FNDC1: variants seen among roughly 807,000 people sequenced by gnomAD.
FNDC1 encodes the protein fibronectin type III domain containing 1.
Under a neutral mutation model 168.0 loss-of-function variants are expected in FNDC1, and 96 were observed. The ratio of observed to expected loss-of-function variants is 0.57; its 90% CI spans 0.48 to 0.68. The LOEUF is 0.68. FNDC1 is among the 30% of genes least tolerant of loss of function. FNDC1 has a pLI of 0.00. For missense variants in FNDC1, 2,587 were observed against 2,482.1 expected, an observed-to-expected ratio of 1.04 and a Z score of -0.90; for synonymous variants, 1,099 against 1,025.9, an observed-to-expected ratio of 1.07 and a Z score of -1.36.
intron 18 of FNDC1, among the ~76,000 whole-genome samples, chr6:159,257,536 G>T (rs1285677978): frequency 6.6e-6 from 1 of 152,072 alleles, no homozygotes; most frequent in South Asian, 2.1e-4. Flanking sequence ...TGAGGTGAGG[G>T]TGCACCCAAG....
At chr6:159,224,162 TAACA>T (rs756127509) in intron 7 of FNDC1, among the ~76,000 whole-genome samples, 10 of 152,246 alleles carry the variant, frequency 6.6e-5, no homozygotes, top group Non-Finnish European at 1.2e-4. Context: ...CATTTATACA[TAACA>T]AAATGCACCT....
intron 1 of FNDC1, among the ~76,000 whole-genome samples, chr6:159,183,252 G>A (rs1781920054): frequency 6.6e-6 from 1 of 152,232 alleles, no homozygotes; most frequent in African/African-American, 2.4e-5. Flanking sequence ...GCCTTGAATG[G>A]TGGTGGACAC....
chr6:159,226,704 G>A, intron 9 of FNDC1, 124 bp downstream of exon 9: 2 of 645,658 alleles, frequency 3.1e-6, no homozygotes, highest in Admixed American at 3.4e-5. Context: ...GCTCACCCAA[G>A]GGACGAGGAT....
At position 159,215,059 on chromosome 6, in the gene FNDC1, G is replaced by A. The variant is rs377525008; in HGVS notation, c.575G>A (p.Arg192Gln). Residue 192 changes from arginine to glutamine, a missense_variant, in exon 5 of 23, where the codon CGG (arginine) becomes CAG (glutamine). Transcript: ENST00000297267. ...GGAGCCAAGAGTCCACGCAGATCAC[G>A]GGGTTTTCTCCTGGGCTACGGGGAG... is the stretch of plus-strand genomic sequence containing the variant. ...LSGAKSPRRS[R>Q]GFLLGYGESG... 29 of 1,613,920 alleles carry A rather than the reference G, an allele frequency of 1.8e-5. No individual in the cohort carries two copies. In the African/African-American group the frequency reaches 2.1e-4, roughly 12 times the overall value.
chr6:159,209,092 C>T (rs917108234), intron 4 of FNDC1, among the ~76,000 whole-genome samples: 3 of 152,190 alleles, frequency 2.0e-5, no homozygotes, highest in Non-Finnish European at 2.9e-5. Flanking sequence ...GGAGATCTGC[C>T]TGCCTCGGCC....
intron 6 of FNDC1, 22 bp from the exon 7 acceptor site, chr6:159,223,506 C>T (rs1782881556): frequency 6.5e-7 from 1 of 1,539,664 alleles, no homozygotes; most frequent in Non-Finnish European, 9.0e-7. Context: ...AAGCCTTTCT[C>T]TGGGTCTCGT....
At chr6:159,173,128 G>A (rs909626571) in intron 1 of FNDC1, among the ~76,000 whole-genome samples, 1 of 152,124 alleles carries the variant, frequency 6.6e-6, no homozygotes, top group Non-Finnish European at 1.5e-5. Flanking sequence ...AACCTCCTTG[G>A]CATCCTCGTA....
At chr6:159,180,620 C>T (rs970894118) in intron 1 of FNDC1, among the ~76,000 whole-genome samples, 2 of 152,132 alleles carry the variant, frequency 1.3e-5, no homozygotes, top group African/African-American at 4.8e-5. Flanking sequence ...TTTCCTGATG[C>T]TCTGCCCCAA....
rs1783154977 is a variant in FNDC1, at chr6:159,233,501, A to T, written c.2989A>T (p.Thr997Ser). 6.9e-6 allele frequency: 11 copies of T among 1,603,540 alleles called. No individual in the cohort carries two copies. Among genetic ancestry groups the T allele is most frequent in the Non-Finnish European group, 9.3e-6 (11 of 1,178,164 alleles). ...QQHPSVPRRMTPGRAPQQQPP... is the reference protein window; with the variant it reads ...QQHPSVPRRMSPGRAPQQQPP... Reference sequence around the variant, plus strand: ...GCATCCCAGTGTTCCCAGAAGGATGACACCCGGCCGGGCCCCACAACAGCA... The same window carrying T: ...GCATCCCAGTGTTCCCAGAAGGATGTCACCCGGCCGGGCCCCACAACAGCA... The change falls in exon 11 of 23, where the codon ACA (threonine) becomes TCA (serine). Residue 997 changes from threonine (T) to serine (S), a missense_variant. Physicochemically the swap from Thr to Ser is moderately conservative, Grantham distance 58 (BLOSUM62 1). Transcript: ENST00000297267. The surrounding 1 kb of genome is among the most constrained non-coding windows in gnomAD (Gnocchi z 4.6).
At chr6:159,223,280 A>G (rs537296573) in intron 6 of FNDC1, among the ~76,000 whole-genome samples, 5 of 151,816 alleles carry the variant, frequency 3.3e-5, no homozygotes, top group East Asian at 3.9e-4. Flanking sequence ...ACAGGCGTGA[A>G]CCACCACACC....
intron 1 of FNDC1, among the ~76,000 whole-genome samples, chr6:159,179,988 G>A (rs1188454541): frequency 6.6e-6 from 1 of 152,226 alleles, no homozygotes. Flanking sequence ...TGTGTTGGAA[G>A]TCCATTTTCA....
At position 159,249,176 on chromosome 6, in the gene FNDC1, T is replaced by C. The variant is rs1333474764; in HGVS notation, c.4828T>C (p.Phe1610Leu). ...ATTTGATCTGGCTGGAAGGAAACGA[T>C]TTGTTGGTAAATATAATGTCCTTAA... is the stretch of plus-strand genomic sequence containing the variant. ...EEFDLAGRKR[F>L]VAPYVTYLNK... The change falls in exon 16 of 23, where the codon TTT becomes CTT. Residue 1610 changes from phenylalanine (F) to leucine (L), a missense_variant. Phe to Leu is a conservative substitution (Grantham distance 22). Transcript: ENST00000297267. 1.2e-6 allele frequency: 2 copies of C among 1,609,280 alleles called. No individual in the cohort carries two copies. Among genetic ancestry groups the C allele is most frequent in the Non-Finnish European group, 1.7e-6 (2 of 1,178,356 alleles).
At chr6:159,257,905 CTT>C (rs142754305) in intron 18 of FNDC1, among the ~76,000 whole-genome samples, 12,513 of 131,380 alleles carry the variant, frequency 0.095, 906 homozygotes, top group East Asian at 0.32. Flanking sequence ...GAGTCAATGT[CTT>C]TTTTTTTTTT....
In FNDC1 at chr6:159,251,290, G is replaced by T. The variant is rs1482145326; in HGVS notation, c.4835-12G>T. 6.2e-7 allele frequency: 1 copy of T among 1,605,472 alleles called. No homozygotes were observed. The highest frequency in any genetic ancestry group is 8.5e-7 in the Non-Finnish European group (1 of 1,173,092). ...TCCAGCAATCCAATTGGTTATCTCT[G>T]TTCTTTTCCAGCTCCTTACGTGACG... On this transcript the variant is annotated splice_polypyrimidine_tract_variant and intron_variant, in intron 16 of 22. Transcript: ENST00000297267.
chr6:159,179,769 CT>C (rs1781842376), intron 1 of FNDC1, among the ~76,000 whole-genome samples: 1 of 152,196 alleles, frequency 6.6e-6, no homozygotes, highest in South Asian at 2.1e-4. Flanking sequence ...GAATGCTGCC[CT>C]TAAATAGCAG....
chr6:159,263,749 G>A (rs761219054), intron 19 of FNDC1, among the ~76,000 whole-genome samples: 3 of 151,678 alleles, frequency 2.0e-5, no homozygotes, highest in African/African-American at 4.8e-5. Flanking sequence ...GTGACAGAGC[G>A]AGACTCCATC....
intron 15 of FNDC1, among the ~76,000 whole-genome samples, chr6:159,247,610 A>G (rs1364863478): frequency 1.3e-5 from 2 of 152,242 alleles, no homozygotes; most frequent in African/African-American, 4.8e-5. Context: ...TTAGCCAGGT[A>G]TGGGAGCACA....
chr6:159,197,144 A>C (rs1438848381), intron 1 of FNDC1, among the ~76,000 whole-genome samples: 1 of 152,236 alleles, frequency 6.6e-6, no homozygotes, highest in Non-Finnish European at 1.5e-5. Flanking sequence ...CTAGCAAGAC[A>C]GTGTAATCAA....
At chr6:159,222,981 CTCATTTTTTTTTTTTTTTT>C (rs1782862004) in intron 6 of FNDC1, among the ~76,000 whole-genome samples, 1 of 144,602 alleles carries the variant, frequency 6.9e-6, no homozygotes, top group South Asian at 2.2e-4. Context: ...AAGTGAAATA[CTCATTTTTTTTTTTTTTTT>C]TTTTTTTTTT....
Sources: allele counts gnomAD v4.1 joint callset (sites outside exome capture counted in the v4.1 genomes callset), GRCh38; gene constraint gnomAD v4.1.1; non-coding constraint Gnocchi (gnomAD v3.1); transcripts MANE v1.5; gene names NCBI Gene and HGNC (gene_info 2026-07-23, HGNC 2026-07-21).